COL14A1: variants seen among roughly 807,000 people sequenced by gnomAD.
COL14A1 encodes collagen alpha-1(XIV) chain.
In COL14A1, 136 loss-of-function variants were observed where a neutral mutation model predicts 230.3. The observed-to-expected ratio is 0.59, with a 90% CI of 0.51 to 0.68. The LOEUF (loss-of-function observed/expected upper bound fraction) is 0.68. Ranked by LOEUF, COL14A1 falls within the 30% of genes least tolerant of loss-of-function variation. COL14A1 has a pLI of 0.00. For synonymous variants in COL14A1, 792 were observed against 784.1 expected, an observed-to-expected ratio of 1.01 and a Z score of -0.17; for missense variants, 1,976 against 2,215.8, an observed-to-expected ratio of 0.89 and a Z score of 2.17.
intron 45 of COL14A1, among the ~76,000 whole-genome samples, chr8:120,359,280 T>C (rs1823105605): frequency 6.7e-6 from 1 of 149,766 alleles, no homozygotes; most frequent in Admixed American, 6.6e-5. Context: ...CGTGTTTCCA[T>C]GTGTTCTCAT....
intron 40 of COL14A1, among the ~76,000 whole-genome samples, chr8:120,322,435 T>C (rs1246687258): frequency 6.6e-6 from 1 of 152,230 alleles, no homozygotes; most frequent in Non-Finnish European, 1.5e-5. Context: ...GCTTGTTACA[T>C]AGGTAAACAT....
intron 22 of COL14A1, among the ~76,000 whole-genome samples, chr8:120,252,223 A>G (rs1194961656): frequency 6.6e-6 from 1 of 152,058 alleles, no homozygotes; most frequent in Non-Finnish European, 1.5e-5. Context: ...CTTAGGGTAC[A>G]AGGGGTTTTT....
intron 43 of COL14A1, among the ~76,000 whole-genome samples, chr8:120,341,750 C>T (rs117898319): frequency 0.012 from 1,791 of 152,292 alleles, 12 homozygotes; most frequent in Non-Finnish European, 0.019. Context: ...GCATGGCACT[C>T]CTGGGCTTTT....
chr8:120,218,400 C>T (rs1817831697), intron 14 of COL14A1, among the ~76,000 whole-genome samples: 1 of 151,074 alleles, frequency 6.6e-6, no homozygotes, highest in African/African-American at 2.4e-5. Context: ...AACTTTACCT[C>T]CCGAATTCAA....
At chr8:120,135,954 C>A (rs1814696856) in intron 1 of COL14A1, among the ~76,000 whole-genome samples, 1 of 151,868 alleles carries the variant, frequency 6.6e-6, no homozygotes, top group African/African-American at 2.4e-5. Context: ...GCTGACTGAT[C>A]TTGTCTGTCA....
chr8:120,346,509 T>G (rs939121253), intron 45 of COL14A1, among the ~76,000 whole-genome samples: 2 of 152,238 alleles, frequency 1.3e-5, no homozygotes, highest in Non-Finnish European at 2.9e-5. Flanking sequence ...ATATATTCCT[T>G]TTATAAAATT....
intron 22 of COL14A1, among the ~76,000 whole-genome samples, 187 bp downstream of exon 22, chr8:120,250,953 A>T (rs111712343): frequency 9.8e-5 from 15 of 152,292 alleles, no homozygotes; most frequent in African/African-American, 3.4e-4. Context: ...GATTACAGGC[A>T]CAAGACACCA....
intron 9 of COL14A1, among the ~76,000 whole-genome samples, chr8:120,206,420 G>A (rs1271549921): frequency 1.3e-5 from 2 of 152,090 alleles, no homozygotes; most frequent in Admixed American, 6.5e-5. Context: ...GCACGATCTC[G>A]GCTCACTGCA....
At chr8:120,342,758 A>T (rs913930492) in intron 44 of COL14A1, among the ~76,000 whole-genome samples, 1 of 152,220 alleles carries the variant, frequency 6.6e-6, no homozygotes, top group Non-Finnish European at 1.5e-5. Context: ...CCAGGTGGGT[A>T]GGATTTTTTC....
chr8:120,249,181 G>A (rs891192886), intron 21 of COL14A1, among the ~76,000 whole-genome samples: 4 of 150,390 alleles, frequency 2.7e-5, no homozygotes, highest in Non-Finnish European at 5.9e-5. Context: ...GCCTCCCAAA[G>A]TGCTGGGATT....
At position 120,158,203 on chromosome 8, in the gene COL14A1, A is replaced by G; in HGVS notation, c.162A>G (p.Arg54=). ...DSIQISWKAP[R]GKFGGYKLLV... is the part of the protein sequence containing the mutation. ...TACAGATTTCATGGAAGGCTCCAAG[A>G]GGGAAATTTGGTGGTTACAAACTTC... The change falls in exon 3 of 48, where the codon AGA becomes AGG. Residue 54 remains arginine (R), a synonymous_variant. Transcript: ENST00000297848. The G allele has an allele frequency of 6.2e-7, 1 of 1,610,408 alleles. No homozygotes were observed.
At chr8:120,229,691 T>A (rs531950372) in intron 18 of COL14A1, among the ~76,000 whole-genome samples, 19 of 152,270 alleles carry the variant, frequency 1.2e-4, no homozygotes, top group African/African-American at 3.4e-4. Flanking sequence ...CGCCACACTG[T>A]CTTCCACAAT....
At chr8:120,152,961 G>A (rs1456073263) in intron 2 of COL14A1, among the ~76,000 whole-genome samples, 1 of 152,104 alleles carries the variant, frequency 6.6e-6, no homozygotes, top group Non-Finnish European at 1.5e-5. Flanking sequence ...CTTGCTGTTA[G>A]TAGCCAAACA....
chr8:120,333,054 T>C (rs1821925206), intron 42 of COL14A1, among the ~76,000 whole-genome samples: 1 of 152,250 alleles, frequency 6.6e-6, no homozygotes, highest in Admixed American at 6.5e-5. Flanking sequence ...CAGCTACGTG[T>C]TAATCAAGCT....
At chr8:120,221,533 C>A (rs1817932619) in intron 14 of COL14A1, among the ~76,000 whole-genome samples, 1 of 147,746 alleles carries the variant, frequency 6.8e-6, no homozygotes, top group South Asian at 2.1e-4. Context: ...AAACAATATC[C>A]TTTTTAACAG....
At chr8:120,307,480 C>T (rs531161269) in intron 36 of COL14A1, among the ~76,000 whole-genome samples, 17 of 152,232 alleles carry the variant, frequency 1.1e-4, no homozygotes, top group East Asian at 3.9e-4. Context: ...GTTCACACAA[C>T]GACAAAATTG....
At chr8:120,345,679 T>C in intron 45 of COL14A1, 116 bp downstream of exon 45, 1 of 880,820 alleles carries the variant, frequency 1.1e-6, no homozygotes, top group Non-Finnish European at 1.6e-6. Flanking sequence ...AAATTAATTC[T>C]GCCCCATCTA....
chr8:120,283,647 CAGA>C lies in COL14A1; in HGVS notation c.3839_3841del (p.Glu1280del), dbSNP rs1225669207. On this transcript the variant is annotated inframe_deletion, in exon 32 of 48. Transcript: ENST00000297848. ...CTTTCTATGTTCAGGTACTTGCACC[CAGA>C]AGGATTGCCCTCCGACTACACAATC... 1 of 1,609,960 alleles carries C rather than the reference CAGA, an allele frequency of 6.2e-7. No individual in the cohort carries two copies. Among genetic ancestry groups the C allele is most frequent in the Non-Finnish European group, 8.5e-7 (1 of 1,178,884 alleles).
chr8:120,280,534 C>A (rs1259513549), intron 29 of COL14A1, among the ~76,000 whole-genome samples, 177 bp from the exon 30 acceptor site: 1 of 152,124 alleles, frequency 6.6e-6, no homozygotes, highest in African/African-American at 2.4e-5. Context: ...TAATAAGGGA[C>A]CTTAGCACAT....
Sources: gnomAD v4.1 joint callset for allele counts (sites outside exome capture counted in the v4.1 genomes callset) on GRCh38, gnomAD v4.1.1 for gene constraint, MANE v1.5 for transcripts, NCBI Gene and HGNC (gene_info 2026-07-23, HGNC 2026-07-21) for gene names.